Variants in FGF7 observed in about 807,000 individuals in gnomAD.
The protein encoded by FGF7 is FGF-7.
In FGF7, 6 loss-of-function variants were observed where a neutral mutation model predicts 20.5. The observed-to-expected ratio is 0.29, with a 90% CI of 0.16 to 0.58. The LOEUF (loss-of-function observed/expected upper bound fraction) is 0.58. FGF7 is among the 20% of genes least tolerant of loss of function. FGF7 has a pLI of 0.90. For missense variants in FGF7, 144 were observed against 228.8 expected, an observed-to-expected ratio of 0.63 and a Z score of 2.39; for synonymous variants, 64 against 74.7, an observed-to-expected ratio of 0.86 and a Z score of 0.74.
intron 2 of FGF7, among the ~76,000 whole-genome samples, chr15:49,474,886 C>G (rs35715933): frequency 6.6e-6 from 1 of 152,040 alleles, no homozygotes; most frequent in Non-Finnish European, 1.5e-5. Context: ...AACCTCCCCC[C>G]GGCTCCCGTC....
At chr15:49,450,191 G>C (rs1416335830) in intron 2 of FGF7, among the ~76,000 whole-genome samples, 2 of 152,110 alleles carry the variant, frequency 1.3e-5, no homozygotes, top group Non-Finnish European at 2.9e-5. Context: ...AGTGAATTTA[G>C]TTTCTATATC....
intron 2 of FGF7, among the ~76,000 whole-genome samples, chr15:49,466,496 T>C (rs183532105): frequency 1.3e-3 from 200 of 152,282 alleles, no homozygotes; most frequent in Admixed American, 5.8e-3. Flanking sequence ...CTTTGGATAG[T>C]AAATAAAAGA....
intron 2 of FGF7, among the ~76,000 whole-genome samples, chr15:49,469,795 T>G (rs1325333260): frequency 3.9e-5 from 6 of 152,132 alleles, no homozygotes; most frequent in African/African-American, 7.2e-5. Flanking sequence ...GTAATGAGAT[T>G]GAGAAGCTAC....
At chr15:49,481,648 G>A (rs2055957427) in intron 2 of FGF7, among the ~76,000 whole-genome samples, 1 of 152,090 alleles carries the variant, frequency 6.6e-6, no homozygotes, top group Non-Finnish European at 1.5e-5. Flanking sequence ...TTTCTATTAG[G>A]TTTTAACTTC....
intron 2 of FGF7, among the ~76,000 whole-genome samples, chr15:49,437,892 CT>C (rs1164193036): frequency 6.6e-6 from 1 of 151,452 alleles, no homozygotes; most frequent in Non-Finnish European, 1.5e-5. Context: ...TGGAGGCCAG[CT>C]AACAGAACCT....
chr15:49,428,871 T>C (rs748112529), intron 2 of FGF7, among the ~76,000 whole-genome samples: 2 of 152,018 alleles, frequency 1.3e-5, no homozygotes, highest in Non-Finnish European at 2.9e-5. Context: ...ATATTCTCTT[T>C]TGGACTGTTA....
intron 2 of FGF7, chr15:49,425,513 A>G (rs1417383571): frequency 6.6e-6 from 1 of 152,016 alleles, no homozygotes; most frequent in Non-Finnish European, 1.5e-5. Context: ...AGCACTCAGA[A>G]AACATTGTTA....
intron 2 of FGF7, among the ~76,000 whole-genome samples, chr15:49,437,007 T>C (rs1324505229): frequency 6.6e-6 from 1 of 151,576 alleles, no homozygotes; most frequent in Non-Finnish European, 1.5e-5. Flanking sequence ...GTAGCAACCT[T>C]CAGTTTATTT....
chr15:49,429,587 G>A (rs1011340802), intron 2 of FGF7, among the ~76,000 whole-genome samples: 1 of 151,868 alleles, frequency 6.6e-6, no homozygotes, highest in African/African-American at 2.4e-5. Flanking sequence ...TCAGCTCTTA[G>A]ATATATTGAA....
At chr15:49,452,311 C>A (rs899586264) in intron 2 of FGF7, among the ~76,000 whole-genome samples, 1 of 152,132 alleles carries the variant, frequency 6.6e-6, no homozygotes, top group Non-Finnish European at 1.5e-5. Context: ...CCTTGGCTTC[C>A]CACTGTTCTG....
chr15:49,470,847 G>A (rs1329426686), intron 2 of FGF7, among the ~76,000 whole-genome samples: 1 of 152,206 alleles, frequency 6.6e-6, no homozygotes, highest in Non-Finnish European at 1.5e-5. Flanking sequence ...TGACAAGGGT[G>A]TCATCTAGAA....
chr15:49,460,859 ATGTTT>A (rs1415274697), intron 2 of FGF7, among the ~76,000 whole-genome samples: 1 of 152,156 alleles, frequency 6.6e-6, no homozygotes. Context: ...TTGTTTGATT[ATGTTT>A]TGTTTTGTCT....
intron 2 of FGF7, among the ~76,000 whole-genome samples, chr15:49,463,365 C>G (rs1170267127): frequency 1.3e-5 from 2 of 151,996 alleles, no homozygotes; most frequent in African/African-American, 4.8e-5. Context: ...ACCAGCCTGG[C>G]CAACATAGTG....
chr15:49,484,181 C>A, intron 3 of FGF7, 129 bp from the exon 4 acceptor site: 1 of 606,934 alleles, frequency 1.6e-6, no homozygotes, highest in Non-Finnish European at 2.9e-6. Flanking sequence ...ATTAGGCCTG[C>A]TCAATCTGAG....
intron 2 of FGF7, among the ~76,000 whole-genome samples, chr15:49,467,864 G>A (rs1356036352): frequency 1.3e-5 from 2 of 152,236 alleles, no homozygotes; most frequent in South Asian, 4.1e-4. Flanking sequence ...TAAGGAAAAC[G>A]ATCAGTAAAT....
At chr15:49,477,836 CA>C (rs2055494459) in intron 2 of FGF7, among the ~76,000 whole-genome samples, 1 of 152,200 alleles carries the variant, frequency 6.6e-6, no homozygotes, top group Non-Finnish European at 1.5e-5. Context: ...TGCCAGCATA[CA>C]GCACTGTTAG....
chr15:49,474,588 T>A (rs7166049), intron 2 of FGF7, among the ~76,000 whole-genome samples: 51,036 of 151,876 alleles, frequency 0.34, 9,545 homozygotes, highest in African/African-American at 0.49. Flanking sequence ...ATGTTGAAAA[T>A]ACTAGATAGC....
chr15:49,429,919 A>G (rs2050447212), intron 2 of FGF7, among the ~76,000 whole-genome samples: 1 of 151,964 alleles, frequency 6.6e-6, no homozygotes, highest in African/African-American at 2.4e-5. Context: ...CTAAGGTTGC[A>G]AACCACTGCT....
In FGF7 at chr15:49,479,922, A is replaced by T. The variant is rs557689630; in HGVS notation, c.287-3229A>T. On this transcript the variant is annotated intron_variant, in intron 2 of 3. Transcript: ENST00000267843. ...AGCCACTGCGCTCCGCCCATAGTTA[A>T]CACTTCTATAAATATTTGTGCATAT... 8.8e-4 allele frequency among the ~76,000 whole-genome samples: 134 copies of T among 152,146 alleles called. 5 individuals are homozygous for T. The South Asian group carries it at 0.027, about 30-fold the overall frequency.
Sources: gnomAD v4.1 joint callset for allele counts (sites outside exome capture counted in the v4.1 genomes callset) on GRCh38, gnomAD v4.1.1 for gene constraint, MANE v1.5 for transcripts, NCBI Gene and HGNC (gene_info 2026-07-23, HGNC 2026-07-21) for gene names.